Variants in DPP4 observed in about 807,000 individuals in gnomAD.
The protein encoded by DPP4 is dipeptidyl peptidase 4.
In DPP4, 93 loss-of-function variants were observed where a neutral mutation model predicts 122.4. That is an observed-to-expected ratio of 0.76 (90% CI 0.64 to 0.90). The LOEUF is 0.90. Among genes scored for constraint, DPP4 ranks in the 40% least tolerant of loss-of-function variants. The pLI is 0.00. For missense variants in DPP4, 914 were observed against 907.3 expected, an observed-to-expected ratio of 1.01 and a Z score of -0.09; for synonymous variants, 321 against 302.9, an observed-to-expected ratio of 1.06 and a Z score of -0.62.
intron 2 of DPP4, among the ~76,000 whole-genome samples, chr2:162,069,444 T>C (rs1685046224): frequency 6.6e-6 from 1 of 152,230 alleles, no homozygotes; most frequent in Admixed American, 6.5e-5. Context: ...TCTCTGACCA[T>C]CAACTGAGTA....
At chr2:162,009,139 T>C in intron 21 of DPP4, 102 bp downstream of exon 21, 12 of 1,208,984 alleles carry the variant, frequency 9.9e-6, no homozygotes, top group South Asian at 7.4e-5. Flanking sequence ...ACTTGATAGA[T>C]GTGATTTTCA....
intron 18 of DPP4, among the ~76,000 whole-genome samples, chr2:162,015,521 A>T (rs1682876811): frequency 6.6e-6 from 1 of 152,196 alleles, no homozygotes; most frequent in African/African-American, 2.4e-5. Flanking sequence ...TTGAATTGGC[A>T]TTAGTTGATG....
Position 161,992,389 on chromosome 2 carries a change from ACACT to A in DPP4, c.*890_*893del, listed in dbSNP as rs1408672874. ...AAGTTAAAATATTCTTTTAATTAAG[ACACT>A]CAAAGAAATGAAATAAGAAAAATTG... On this transcript the variant is annotated 3_prime_UTR_variant, in exon 26 of 26. Transcript: ENST00000360534. The A allele has an allele frequency of 6.6e-6, 1 of 152,644 alleles. No individual in the cohort carries two copies. The highest frequency in any genetic ancestry group is 6.5e-5 in the Admixed American group (1 of 15,290). 9.5% of individuals were successfully genotyped at this position (152,644 alleles called of 1,614,324 possible).
chr2:162,009,951 A>G (rs1682622405), intron 20 of DPP4, among the ~76,000 whole-genome samples: 1 of 146,674 alleles, frequency 6.8e-6, no homozygotes, highest in Non-Finnish European at 1.5e-5. Context: ...CTATTTCTTA[A>G]TATTAGCCTG....
At position 162,035,182 on chromosome 2, in the gene DPP4, T is replaced by C. The variant is rs777709174; in HGVS notation, c.756A>G (p.Val252=). The C allele has an allele frequency of 5.6e-6, 9 of 1,613,618 alleles. No individual in the cohort carries two copies. The South Asian group carries it at 9.9e-5, about 18-fold the overall frequency. ...SDESLQYPKT[V]RVPYPKAGAV... is the part of the protein sequence containing the mutation. ...CACAGACCTTTGGATATGGAACCCG[T>C]ACAGTCTTTGGGTACTGCAGTGACT... is the stretch of plus-strand genomic sequence containing the variant. The change falls in exon 9 of 26, where the codon GTA becomes GTG. Residue 252 remains valine, a synonymous_variant. Transcript: ENST00000360534.
intron 1 of DPP4, 133 bp from the exon 2 acceptor site, chr2:162,073,619 G>C: frequency 1.2e-6 from 1 of 844,310 alleles, no homozygotes; most frequent in South Asian, 1.5e-5. Flanking sequence ...CCGCGGGCTG[G>C]GGGTGGGGGT....
At chr2:162,006,406 T>C (rs879813373) in intron 22 of DPP4, among the ~76,000 whole-genome samples, 2 of 152,158 alleles carry the variant, frequency 1.3e-5, no homozygotes, top group Admixed American at 6.5e-5. Context: ...TTCACTATAA[T>C]AAAAACAAAT....
rs758058784 is a variant in DPP4 at position 162,018,803 on chromosome 2, A to G, written c.1346T>C (p.Leu449Pro). 8 of 1,614,210 alleles carry G rather than the reference A, an allele frequency of 5.0e-6. No individual in the cohort carries two copies. The highest frequency in any genetic ancestry group is 1.6e-4 in the Middle Eastern group (1 of 6,062). ...YTKVTCLSCE[L>P]NPERCQYYSV... ...ATAGTACTGACACCTTTCCGGATTC[A>G]GCTCACAACTGAGGCATGTCACTTT... The change falls in exon 16 of 26, where the codon CTG (leucine) becomes CCG (proline). Residue 449 changes from leucine (L) to proline (P), a missense_variant. Leu to Pro is a moderately conservative substitution (Grantham distance 98). Transcript: ENST00000360534.
At chr2:162,008,685 T>A (rs1157677142) in intron 21 of DPP4, 24 bp from the exon 22 acceptor site, 9 of 1,592,260 alleles carry the variant, frequency 5.7e-6, no homozygotes. Context: ...ACAGTTATTT[T>A]TATGGAGGTA....
chr2:162,009,684 C>G (rs1701374221), intron 20 of DPP4, among the ~76,000 whole-genome samples: 2 of 151,818 alleles, frequency 1.3e-5, no homozygotes. Context: ...GAGAGTCTGC[C>G]CCTGCAATGG....
At chr2:162,037,276 G>A (rs1683813767) in intron 8 of DPP4, among the ~76,000 whole-genome samples, 1 of 152,162 alleles carries the variant, frequency 6.6e-6, no homozygotes. Flanking sequence ...TCTGAGAGAG[G>A]GTCACAGCTT....
chr2:162,056,359 A>C (rs1199479715), intron 2 of DPP4, among the ~76,000 whole-genome samples: 1 of 152,238 alleles, frequency 6.6e-6, no homozygotes, highest in African/African-American at 2.4e-5. Context: ...TTGTTGAATG[A>C]AAACATAAAA....
chr2:162,036,854 G>C (rs1683793564), intron 8 of DPP4, among the ~76,000 whole-genome samples: 1 of 152,098 alleles, frequency 6.6e-6, no homozygotes, highest in South Asian at 2.1e-4. Context: ...ATGACTCCAA[G>C]TCATGGTTTC....
At position 161,992,403 on chromosome 2, in the gene DPP4, G is replaced by C. The variant is rs920698518; in HGVS notation, c.*880C>G. Reference sequence around the variant, plus strand: ...TTTTAATTAAGACACTCAAAGAAATGAAATAAGAAAAATTGATGCAAGGAC... The same window carrying C: ...TTTTAATTAAGACACTCAAAGAAATCAAATAAGAAAAATTGATGCAAGGAC... On this transcript the variant is annotated 3_prime_UTR_variant, in exon 26 of 26. Transcript: ENST00000360534. 3 of 152,578 alleles carry C rather than the reference G, an allele frequency of 2.0e-5. No individual in the cohort carries two copies. The highest frequency in any genetic ancestry group is 7.2e-5 in the African/African-American group (3 of 41,426). 9.5% of individuals were successfully genotyped at this position (152,578 alleles called of 1,614,324 possible).
intron 5 of DPP4, among the ~76,000 whole-genome samples, chr2:162,044,786 A>T (rs576336387): frequency 6.6e-6 from 1 of 152,198 alleles, no homozygotes; most frequent in South Asian, 2.1e-4. Context: ...GAGCTGGGTA[A>T]CTGGGGAAAG....
At chr2:162,016,415 C>G (rs1576041100) in intron 18 of DPP4, among the ~76,000 whole-genome samples, 1 of 152,104 alleles carries the variant, frequency 6.6e-6, no homozygotes, top group African/African-American at 2.4e-5. Context: ...TCTCAGATAT[C>G]CTTGACCTCT....
chr2:162,061,006 C>CTCCTTCCTTCCT (rs1235608036), intron 2 of DPP4, among the ~76,000 whole-genome samples: 83 of 81,524 alleles, frequency 1.0e-3, no homozygotes, highest in African/African-American at 4.7e-3. Flanking sequence ...CCCTCCCTCC[C>CTCCTTCCTTCCT]TCCTTCCTTC....
chr2:162,012,851 T>C (rs1576039241), intron 19 of DPP4, among the ~76,000 whole-genome samples: 1 of 152,238 alleles, frequency 6.6e-6, no homozygotes. Context: ...CTGCTTACTG[T>C]CCCTGCACAG....
chr2:162,024,381 A>G (rs981061074), intron 11 of DPP4, among the ~76,000 whole-genome samples: 8 of 152,220 alleles, frequency 5.3e-5, no homozygotes, highest in African/African-American at 1.7e-4. Flanking sequence ...ACAGTATGGT[A>G]ATGGGTTTGT....
Sources: allele counts gnomAD v4.1 joint callset (sites outside exome capture counted in the v4.1 genomes callset), GRCh38; gene constraint gnomAD v4.1.1; transcripts MANE v1.5; gene names NCBI Gene and HGNC (gene_info 2026-07-23, HGNC 2026-07-21).